Variants in GLRB observed in about 807,000 individuals in gnomAD.
GLRB encodes the protein glycine receptor beta, also known as glycine receptor subunit beta.
A neutral mutation model predicts 54.2 loss-of-function variants in GLRB; 33 were observed. The observed-to-expected ratio is 0.61, with a 90% CI of 0.46 to 0.81. The LOEUF is 0.81. Among genes scored for constraint, GLRB ranks in the 40% least tolerant of loss-of-function variants. GLRB has a pLI of 0.00. For synonymous variants in GLRB, 209 were observed against 208.2 expected, an observed-to-expected ratio of 1.00 and a Z score of -0.03; for missense variants, 572 against 584.6, an observed-to-expected ratio of 0.98 and a Z score of 0.22.
At chr4:157,099,526 G>A (rs914095371) in intron 2 of GLRB, among the ~76,000 whole-genome samples, 37 of 151,808 alleles carry the variant, frequency 2.4e-4, no homozygotes, top group Admixed American at 4.6e-4. Flanking sequence ...CAGTAGAGAC[G>A]GGGTTTCACC....
intron 2 of GLRB, among the ~76,000 whole-genome samples, chr4:157,107,263 G>T (rs1735260925): frequency 6.6e-6 from 1 of 152,018 alleles, no homozygotes; most frequent in Non-Finnish European, 1.5e-5. Flanking sequence ...AAGTTTTCAG[G>T]TGAAAAGAAG....
chr4:157,133,610 T>A (rs1012683851), intron 4 of GLRB, among the ~76,000 whole-genome samples: 7 of 152,060 alleles, frequency 4.6e-5, no homozygotes, highest in Middle Eastern at 3.4e-3. Flanking sequence ...AATTAATATG[T>A]CATTAATAAA....
At chr4:157,096,754 T>G (rs1439831647) in intron 2 of GLRB, among the ~76,000 whole-genome samples, 1 of 152,230 alleles carries the variant, frequency 6.6e-6, no homozygotes, top group Non-Finnish European at 1.5e-5. Flanking sequence ...ACAACTCATT[T>G]TACACATAAG....
At chr4:157,092,312 T>C (rs1734648846) in intron 2 of GLRB, among the ~76,000 whole-genome samples, 1 of 152,236 alleles carries the variant, frequency 6.6e-6, no homozygotes, top group Non-Finnish European at 1.5e-5. Flanking sequence ...TAAGACTTTA[T>C]CTGTAAAACA....
At chr4:157,142,644 G>A (rs941793810) in intron 7 of GLRB, among the ~76,000 whole-genome samples, 8 of 152,000 alleles carry the variant, frequency 5.3e-5, no homozygotes, top group Non-Finnish European at 1.2e-4. Flanking sequence ...TTCCCAGTTA[G>A]GAAGACCAGG....
At position 157,093,155 on chromosome 4, in the gene GLRB, G is replaced by A. The variant is rs1734679548; in HGVS notation, c.122+15009G>A. On this transcript the variant is annotated intron_variant, in intron 2 of 9. Coordinates refer to ENST00000264428, the MANE Select transcript of GLRB (RefSeq NM_000824.5). ...TTATGGTCTTTTACATACATTTAAAGTTTATTAAAGTTCTTTCTAAATAAT... is the reference window on the plus strand; with the variant it reads ...TTATGGTCTTTTACATACATTTAAAATTTATTAAAGTTCTTTCTAAATAAT... Among the ~76,000 whole-genome samples, 4 of 145,792 alleles carry A rather than the reference G, an allele frequency of 2.7e-5. No homozygotes were observed. In the South Asian group the frequency reaches 9.3e-4, roughly 34 times the overall value.
chr4:157,157,292 C>A (rs1737269118), intron 9 of GLRB, among the ~76,000 whole-genome samples: 1 of 152,184 alleles, frequency 6.6e-6, no homozygotes, highest in Non-Finnish European at 1.5e-5. Context: ...TGGAAGTCCT[C>A]AATCACCACT....
At chr4:157,146,041 G>A (rs539862987) in intron 8 of GLRB, among the ~76,000 whole-genome samples, 9 of 151,340 alleles carry the variant, frequency 5.9e-5, no homozygotes, top group Non-Finnish European at 8.8e-5. Context: ...TTTTTTGATG[G>A]AGTCTTGCTC....
intron 2 of GLRB, among the ~76,000 whole-genome samples, chr4:157,118,643 C>G (rs1735691940): frequency 6.6e-6 from 1 of 151,480 alleles, no homozygotes; most frequent in African/African-American, 2.4e-5. Flanking sequence ...AAAGGGTTGT[C>G]TATATCAATT....
Position 157,120,613 on chromosome 4 carries a change from G to T in GLRB, c.180G>T (p.Leu60Phe). 1 of 1,600,824 alleles carries T rather than the reference G, an allele frequency of 6.2e-7. No individual in the cohort carries two copies. The highest frequency in any genetic ancestry group is 1.1e-5 in the South Asian group (1 of 90,758). ...CTGCCAACTCCACTAGCAATATCTT[G>T]AACAGGTTATTGGTCAGTTATGATC... ...RVPANSTSNILNRLLVSYDPR... is the reference protein window; with the variant it reads ...RVPANSTSNIFNRLLVSYDPR... The change falls in exon 3 of 10, where the codon TTG becomes TTT. Residue 60 changes from leucine to phenylalanine, a missense_variant. Physicochemically the swap from Leu to Phe is conservative, Grantham distance 22 (BLOSUM62 0). Transcript: ENST00000264428.
At chr4:157,159,860 G>A (rs149206730) in intron 9 of GLRB, among the ~76,000 whole-genome samples, 3,053 of 152,196 alleles carry the variant, frequency 0.02, 65 homozygotes, top group African/African-American at 0.045. Flanking sequence ...AATGAATTAG[G>A]GAGGATTCCC....
intron 2 of GLRB, among the ~76,000 whole-genome samples, chr4:157,096,093 G>C (rs888841392): frequency 4.6e-5 from 7 of 152,174 alleles, no homozygotes; most frequent in Non-Finnish European, 8.8e-5. Context: ...ATTGAAATTA[G>C]AGGAGCTCAA....
rs1392783617 is a variant in GLRB, at chr4:157,143,818, T to C, written c.763T>C (p.Cys255Arg). The C allele has an allele frequency of 1.2e-6, 2 of 1,613,242 alleles. No homozygotes were observed. Among genetic ancestry groups the C allele is most frequent in the Non-Finnish European group, 1.7e-6 (2 of 1,179,888 alleles). The change falls in exon 8 of 10, where the codon TGC (cysteine) becomes CGC (arginine). Residue 255 changes from cysteine (C) to arginine (R), a missense_variant. Physicochemically the swap from Cys to Arg is radical, Grantham distance 180 (BLOSUM62 -3). Coordinates refer to ENST00000264428, the MANE Select transcript of GLRB (RefSeq NM_000824.5). ...KYYKGTGYYTCVEVIFTLRRQ... is the reference protein window; with the variant it reads ...KYYKGTGYYTRVEVIFTLRRQ... ...TTTGCTTCTGAAAGGCTACTACACA[T>C]GCGTGGAAGTCATCTTCACCCTGAG...
Position 157,095,185 on chromosome 4 carries a change from C to CTAGGAAG in GLRB, c.122+17040_122+17046dup, listed in dbSNP as rs200534931. 5.6e-3 allele frequency among the ~76,000 whole-genome samples: 848 copies of CTAGGAAG among 150,596 alleles called. 9 individuals are homozygous for CTAGGAAG. Among genetic ancestry groups the CTAGGAAG allele is most frequent in the African/African-American group, 0.019 (791 of 40,950 alleles). ...ATGTGTTCAAACCACAGCACGTAGA[C>CTAGGAAG]TAGGAAGAGGGTGAACTATGGAAAG... On this transcript the variant is annotated intron_variant, in intron 2 of 9. Coordinates refer to ENST00000264428, the MANE Select transcript of GLRB (RefSeq NM_000824.5).
At chr4:157,082,661 A>T (rs1734264982) in intron 2 of GLRB, among the ~76,000 whole-genome samples, 1 of 152,150 alleles carries the variant, frequency 6.6e-6, no homozygotes, top group Non-Finnish European at 1.5e-5. Flanking sequence ...GGATTATGTT[A>T]CCTGGTTCCG....
In GLRB at chr4:157,149,319, T is replaced by A. The variant is rs536024865; in HGVS notation, c.905-3399T>A. 2.6e-5 allele frequency among the ~76,000 whole-genome samples: 4 copies of A among 152,266 alleles called. No homozygotes were observed. In the South Asian group the frequency reaches 8.3e-4, roughly 32 times the overall value. On this transcript the variant is annotated intron_variant, in intron 8 of 9. Coordinates refer to ENST00000264428, the MANE Select transcript of GLRB (RefSeq NM_000824.5). ...TAACTTTCCCCATTGTTAACAAATA[T>A]CAAAGATTCCCTGGAGAATTTTAGG...
At position 157,170,648 on chromosome 4, in the gene GLRB, C is replaced by A. The variant is rs570886685; in HGVS notation, c.1414C>A (p.Arg472=). The A allele has an allele frequency of 6.2e-6, 10 of 1,610,336 alleles. No homozygotes were observed. The highest frequency in any genetic ancestry group is 3.3e-5 in the South Asian group (3 of 90,870). ...ACCTGTTATTCCAACAGCAGCAAAGCGAATTGATCTTTATGCAAGAGCATT... is the reference window on the plus strand; with the variant it reads ...ACCTGTTATTCCAACAGCAGCAAAGAGAATTGATCTTTATGCAAGAGCATT... The part of the protein sequence containing the change: ...AKPVIPTAAK[R]IDLYARALFP... Residue 472 remains arginine (R), a synonymous_variant, in exon 10 of 10, where the codon CGA becomes AGA. Transcript: ENST00000264428.
chr4:157,112,486 C>T (rs1284509966), intron 2 of GLRB, among the ~76,000 whole-genome samples: 2 of 151,932 alleles, frequency 1.3e-5, no homozygotes, highest in Non-Finnish European at 2.9e-5. Context: ...GGTAAAGCTC[C>T]TTAAGGAAAC....
chr4:157,134,804 T>G (rs149027725), intron 4 of GLRB, among the ~76,000 whole-genome samples: 27 of 152,224 alleles, frequency 1.8e-4, no homozygotes, highest in African/African-American at 5.3e-4. Flanking sequence ...AAGAACTGAA[T>G]GTGTAGGAGA....
Sources: allele counts gnomAD v4.1 joint callset (sites outside exome capture counted in the v4.1 genomes callset), GRCh38; gene constraint gnomAD v4.1.1; transcripts MANE v1.5; gene names NCBI Gene and HGNC (gene_info 2026-07-23, HGNC 2026-07-21).